The following LMO7 variants were observed in gnomAD, a reference collection of about 807,000 sequenced individuals.
The protein encoded by LMO7 is LIM domain 7.
In LMO7, 120 loss-of-function variants were observed where a neutral mutation model predicts 206.5. The observed-to-expected ratio is 0.58, with a 90% CI of 0.50 to 0.68. LMO7 has a LOEUF of 0.68. Ranked by LOEUF, LMO7 falls within the 30% of genes least tolerant of loss-of-function variation. LMO7 has a pLI of 0.00. For synonymous variants in LMO7, 706 were observed against 681.5 expected (o/e 1.04, Z -0.56); for missense variants, 1,959 against 1,957.9 (o/e 1.00, Z -0.01).
intron 4 of LMO7, among the ~76,000 whole-genome samples, chr13:75,769,855 T>C (rs2049397665): frequency 6.6e-6 from 1 of 152,140 alleles, no homozygotes; most frequent in South Asian, 2.1e-4. Context: ...TCAATTGTTT[T>C]GAAATGCTTT....
At chr13:75,694,417 G>T (rs1053227081) in intron 1 of LMO7, among the ~76,000 whole-genome samples, 3 of 152,220 alleles carry the variant, frequency 2.0e-5, no homozygotes, top group Non-Finnish European at 4.4e-5. Flanking sequence ...AGGCAGAATG[G>T]ATCTCTGGAA....
chr13:75,681,011 T>G (rs575147286), intron 1 of LMO7, among the ~76,000 whole-genome samples: 1 of 141,300 alleles, frequency 7.1e-6, no homozygotes, highest in East Asian at 2.5e-4. Context: ...TTTAATGAGG[T>G]TTTTTTTTTG....
chr13:75,700,607 G>T (rs954698304), intron 1 of LMO7, among the ~76,000 whole-genome samples: 4 of 152,202 alleles, frequency 2.6e-5, no homozygotes, highest in Admixed American at 6.5e-5. Context: ...TTTTGGAATT[G>T]CCAGCATCAC....
chr13:75,670,517 T>C (rs760924019), intron 1 of LMO7, among the ~76,000 whole-genome samples: 4 of 152,238 alleles, frequency 2.6e-5, no homozygotes, highest in Non-Finnish European at 4.4e-5. Context: ...CTGCATGTTA[T>C]TGTGTTGAAT....
chr13:75,717,588 A>T (rs979709578), intron 2 of LMO7, among the ~76,000 whole-genome samples: 4 of 149,532 alleles, frequency 2.7e-5, no homozygotes, highest in East Asian at 1.9e-4. Context: ...AAAAATATAT[A>T]TTTTTTTATT....
intron 1 of LMO7, among the ~76,000 whole-genome samples, chr13:75,709,057 T>C (rs1163973824): frequency 2.0e-5 from 3 of 152,150 alleles, no homozygotes; most frequent in Non-Finnish European, 4.4e-5. Flanking sequence ...GTTTGGTTTT[T>C]TGTCCTTGCG....
chr13:75,822,818 A>G (rs1264745439), intron 14 of LMO7, among the ~76,000 whole-genome samples: 1 of 88,008 alleles, frequency 1.1e-5, no homozygotes, highest in African/African-American at 3.9e-5. Flanking sequence ...TTATATATAT[A>G]TAATAAAATA....
rs76038105 is a variant in LMO7 at position 75,685,948 on chromosome 13, C to T, written c.70-27234C>T. On this transcript the variant is annotated intron_variant, in intron 1 of 30. Coordinates refer to ENST00000377534, the MANE Select transcript of LMO7 (RefSeq NM_001306080.2). ...TCTCACTCTGTCACCCAGGCAGTGG[C>T]CCAATCATAGCCTACTGCAGCCTTG... is the stretch of plus-strand genomic sequence containing the variant. 1.1e-3 allele frequency among the ~76,000 whole-genome samples: 155 copies of T among 142,412 alleles called. 4 individuals carry two copies. In the East Asian group the frequency reaches 0.022, roughly 20 times the overall value. The allele number at this position is 142,412 out of a possible 152,430, so 93.4% of individuals were successfully genotyped here. A position where few individuals can be genotyped will look rare whatever the true frequency, so the allele number is the denominator to read the frequency against.
chr13:75,807,657 A>G lies in LMO7; in HGVS notation c.1374A>G (p.Leu458=). The G allele has an allele frequency of 6.2e-7, 1 of 1,614,016 alleles. No homozygotes were observed. Among genetic ancestry groups the G allele is most frequent in the Non-Finnish European group, 8.5e-7 (1 of 1,179,890 alleles). ...AGATGGCAGCCCTGGATCCTGACTTAGAGAATGATGATTTCTTTGTCAGAA... is the reference window on the plus strand; with the variant it reads ...AGATGGCAGCCCTGGATCCTGACTTGGAGAATGATGATTTCTTTGTCAGAA... ...DLEMAALDPD[L]ENDDFFVRKT... is the part of the protein sequence containing the mutation. Residue 458 remains leucine, a synonymous_variant, in exon 10 of 31, where the codon TTA becomes TTG. Coordinates refer to ENST00000377534, the MANE Select transcript of LMO7 (RefSeq NM_001306080.2).
At chr13:75,675,054 A>G (rs931403448) in intron 1 of LMO7, among the ~76,000 whole-genome samples, 17 of 151,294 alleles carry the variant, frequency 1.1e-4, no homozygotes, top group Admixed American at 4.6e-4. Context: ...GAAGAATGTC[A>G]CAATATATTT....
At chr13:75,764,124 C>A (rs1197046511) in intron 4 of LMO7, among the ~76,000 whole-genome samples, 1 of 152,112 alleles carries the variant, frequency 6.6e-6, no homozygotes, top group Non-Finnish European at 1.5e-5. Flanking sequence ...ATTCAAGCAT[C>A]AGGTGACACC....
chr13:75,800,877 G>A lies in LMO7; in HGVS notation c.656G>A (p.Arg219His), dbSNP rs146713281. Residue 219 changes from arginine to histidine, a missense_variant, in exon 7 of 31, where the codon CGT (arginine) becomes CAT (histidine). Physicochemically the swap from Arg to His is conservative, Grantham distance 29. Transcript: ENST00000377534. ...CSSDITLRGG[R>H]EGFESDTDSE... is the part of the protein sequence containing the mutation. The stretch of plus-strand genomic sequence containing the variant: ...TCTGATATCACGTTGAGAGGGGGGC[G>A]TGAAGGTGTGTTGTGTTTTGGCTGT... The A allele has an allele frequency of 7.4e-6, 12 of 1,613,382 alleles. No homozygotes were observed. The Admixed American group carries it at 1.2e-4, about 16-fold the overall frequency.
chr13:75,848,462 TCTATCTAA>T lies in LMO7; in HGVS notation c.4151-610_4151-603del, dbSNP rs1474652724. On this transcript the variant is annotated intron_variant, in intron 26 of 30. Transcript: ENST00000377534. ...ATCTATCTATCTATCTATCTATCTA[TCTATCTAA>T]CTATCTCACATTCTCTTTATCCACT... Among the ~76,000 whole-genome samples the T allele has an allele frequency of 3.3e-5, 5 of 151,740 alleles. 1 individual carries two copies. Among genetic ancestry groups the T allele is most frequent in the East Asian group, 1.9e-4 (1 of 5,188 alleles).
chr13:75,756,794 G>C (rs1594760068), intron 3 of LMO7, among the ~76,000 whole-genome samples: 1 of 152,326 alleles, frequency 6.6e-6, no homozygotes, highest in African/African-American at 2.4e-5. Flanking sequence ...AAGAGCCTCA[G>C]ACACTCCTGG....
intron 7 of LMO7, among the ~76,000 whole-genome samples, chr13:75,802,305 A>G (rs2140954258): frequency 6.6e-6 from 1 of 152,336 alleles, no homozygotes; most frequent in African/African-American, 2.4e-5. Flanking sequence ...GTTTGCTGTC[A>G]AGGTGTGACA....
At chr13:75,674,035 T>C (rs1344282377) in intron 1 of LMO7, among the ~76,000 whole-genome samples, 1 of 152,248 alleles carries the variant, frequency 6.6e-6, no homozygotes, top group Non-Finnish European at 1.5e-5. Flanking sequence ...AACTTTCAAC[T>C]GAATTTTTTC....
chr13:75,821,207 G>A lies in LMO7; in HGVS notation c.2238G>A (p.Pro746=), dbSNP rs575259703. 28 of 1,610,950 alleles carry A rather than the reference G, an allele frequency of 1.7e-5. No individual in the cohort carries two copies. Among genetic ancestry groups the A allele is most frequent in the Middle Eastern group, 1.7e-4 (1 of 6,040 alleles). ...CCCAAAATCAAAAGTCTACAGTTCCGTCAAGAAGGAGAATGTATTCTTTTG... is the reference window on the plus strand; with the variant it reads ...CCCAAAATCAAAAGTCTACAGTTCCATCAAGAAGGAGAATGTATTCTTTTG... The part of the protein sequence containing the change: ...RESQNQKSTV[P]SRRRMYSFDD... The change falls in exon 14 of 31, where the codon CCG becomes CCA. Residue 746 remains proline, a synonymous_variant. Transcript: ENST00000377534.
intron 1 of LMO7, among the ~76,000 whole-genome samples, chr13:75,682,820 A>G (rs934981036): frequency 6.6e-6 from 1 of 152,218 alleles, no homozygotes; most frequent in African/African-American, 2.4e-5. Flanking sequence ...ATAAGAGCCT[A>G]ATAAATGTCC....
upstream of LMO7, chr13:75,636,097 A>G (rs2281764): frequency 0.12 from 20,009 of 163,012 alleles, 1,915 homozygotes; most frequent in East Asian, 0.29. Flanking sequence ...CTCGGGGCGG[A>G]GCCGCGGGCT....
Sources: allele counts gnomAD v4.1 joint callset (sites outside exome capture counted in the v4.1 genomes callset), GRCh38; gene constraint gnomAD v4.1.1; transcripts MANE v1.5; gene names NCBI Gene and HGNC (gene_info 2026-07-23, HGNC 2026-07-21).